The following HUWE1 variants were observed in gnomAD, a reference collection of about 807,000 sequenced individuals.
HUWE1 encodes the protein E3 ubiquitin-protein ligase HUWE1.
In HUWE1, 18 loss-of-function variants were observed where a neutral mutation model predicts 299.4. The ratio of observed to expected loss-of-function variants is 0.06; its 90% CI spans 0.04 to 0.09. HUWE1 has a LOEUF of 0.09. HUWE1 is among the 10% of genes least tolerant of loss of function. The pLI is 1.00. For missense variants in HUWE1, 1,832 were observed against 3,462.3 expected, an observed-to-expected ratio of 0.53 and a Z score of 11.82; for synonymous variants, 1,317 against 1,286.1, an observed-to-expected ratio of 1.02 and a Z score of -0.51.
Position 53,532,739 on chromosome X carries a change from A to T in HUWE1, c.*570T>A, listed in dbSNP as rs1556907378. 1 of 109,051 alleles carries T rather than the reference A, an allele frequency of 9.2e-6. No homozygotes were observed. The highest frequency in any genetic ancestry group is 3.3e-5 in the African/African-American group (1 of 29,879). The allele number at this position is 109,051 out of a possible 1,213,427, so 9.0% of individuals were successfully genotyped here. A position where few individuals can be genotyped will look rare whatever the true frequency, so the allele number is the denominator to read the frequency against. ...TCTCCAGATGCCTAGCATGTGCTTA[A>T]GAGTTTTTTGTTTTTTTTTTTAAGT... is the stretch of plus-strand genomic sequence containing the variant. On this transcript the variant is annotated 3_prime_UTR_variant, in exon 84 of 84. Transcript: ENST00000262854.
rs782801565 is a variant in HUWE1 at position 53,627,927 on chromosome X, A to G, written c.1243-48T>C. ...AAAACAATGAACTATAAAGACACAA[A>G]GTTGTAAAAATTGCATGCTTTTGTA... On this transcript the variant is annotated intron_variant, in intron 15 of 83. Transcript: ENST00000262854. 17 of 1,147,077 alleles carry G rather than the reference A, an allele frequency of 1.5e-5. No individual in the cohort carries two copies. In the South Asian group the frequency reaches 3.1e-4, roughly 21 times the overall value. The allele number at this position is 1,147,077 out of a possible 1,213,427, so 94.5% of individuals were successfully genotyped here.
At chrX:53,554,278 CA>C (rs1556932000) in intron 61 of HUWE1, among the ~76,000 whole-genome samples, 1 of 110,269 alleles carries the variant, frequency 9.1e-6, no homozygotes. Flanking sequence ...AGGCTGGTCT[CA>C]AACTCCTGAG....
At chrX:53,634,353 C>G in intron 7 of HUWE1, 55 bp from the exon 8 acceptor site, 1 of 872,610 alleles carries the variant, frequency 1.1e-6, no homozygotes, top group South Asian at 2.0e-5. Context: ...CTTTGCGCCA[C>G]TGCACTCCAG....
At chrX:53,654,184 C>T (rs1275645606) in intron 3 of HUWE1, 53 bp from the exon 4 acceptor site, 16 of 740,230 alleles carry the variant, frequency 2.2e-5, no homozygotes, top group Non-Finnish European at 3.1e-5. Flanking sequence ...CAATCTTGAG[C>T]TCTACAAGCT....
Position 53,553,820 on chromosome X carries a change from T to TAAATA in HUWE1, c.8494+808_8494+812dup, listed in dbSNP as rs782011528. Among the ~76,000 whole-genome samples the TAAATA allele has an allele frequency of 1.1e-3, 119 of 108,644 alleles. 1 individual carries two copies. Among genetic ancestry groups the TAAATA allele is most frequent in the East Asian group, 3.2e-3 (11 of 3,431 alleles). The allele number at this position is 108,644 out of a possible 115,157, so 94.3% of individuals were successfully genotyped here. A position where few individuals can be genotyped will look rare whatever the true frequency, so the allele number is the denominator to read the frequency against. On this transcript the variant is annotated intron_variant, in intron 61 of 83. Transcript: ENST00000262854. ...GCGAGACTTTTTCTCAAAAAATAAATAAATAAAATAAAATAAAATAAAATA... is the reference window on the plus strand; with the variant it reads ...GCGAGACTTTTTCTCAAAAAATAAATAAATAAAATAAAATAAAATAAAATAAAATA...
At chrX:53,571,597 T>TA (rs782621247) in intron 47 of HUWE1, among the ~76,000 whole-genome samples, 55 of 111,318 alleles carry the variant, frequency 4.9e-4, no homozygotes, top group Admixed American at 1.5e-3. Context: ...GTGAGACTCT[T>TA]AAAAAAAGGA....
chrX:53,649,217 G>T (rs905860049), intron 4 of HUWE1, among the ~76,000 whole-genome samples: 1 of 111,728 alleles, frequency 9.0e-6, no homozygotes, highest in Non-Finnish European at 1.9e-5. Flanking sequence ...CAGAAAAACA[G>T]ACCTAATAGC....
intron 43 of HUWE1, among the ~76,000 whole-genome samples, chrX:53,578,499 G>T (rs1297536507): frequency 1.5e-5 from 1 of 68,474 alleles, no homozygotes; most frequent in Non-Finnish European, 2.9e-5. Context: ...GTCAGCCCCC[G>T]GCCCGGCCAG....
chrX:53,558,591 T>C (rs1189699168), intron 59 of HUWE1, 64 bp downstream of exon 59: 5 of 1,081,255 alleles, frequency 4.6e-6, no homozygotes, highest in East Asian at 3.0e-5. Context: ...GTGCCATGTG[T>C]ATGCCAAAAC....
Position 53,548,888 on chromosome X carries a change from T to C in HUWE1, c.10035+71A>G. The C allele has an allele frequency of 3.3e-6, 3 of 898,297 alleles. No homozygotes were observed. In the South Asian group the frequency reaches 6.3e-5, roughly 19 times the overall value. 74.0% of individuals were successfully genotyped at this position (898,297 alleles called of 1,213,427 possible). A position where few individuals can be genotyped will look rare whatever the true frequency, so the allele number is the denominator to read the frequency against. On this transcript the variant is annotated intron_variant, in intron 67 of 83. Transcript: ENST00000262854. ...CAAAAAGACACGCTAGCCTGCTTAG[T>C]GTTCAACTTTCACCCAGGCTCTTGC...
intron 3 of HUWE1, among the ~76,000 whole-genome samples, chrX:53,658,779 G>C (rs1394988988): frequency 8.9e-6 from 1 of 112,241 alleles, no homozygotes; most frequent in Non-Finnish European, 1.9e-5. Context: ...AGAATAAGTG[G>C]ACAAGCCAGA....
At chrX:53,666,103 T>A (rs2069240473) in intron 3 of HUWE1, among the ~76,000 whole-genome samples, 1 of 112,852 alleles carries the variant, frequency 8.9e-6, no homozygotes, top group Admixed American at 9.4e-5. Flanking sequence ...TTTTCATTTG[T>A]CAGAAGTTAT....
At position 53,629,567 on chromosome X, in the gene HUWE1, G is replaced by T; in HGVS notation, c.912C>A (p.Gly304=). 8.3e-7 allele frequency: 1 copy of T among 1,202,590 alleles called. No individual in the cohort carries two copies. The highest frequency in any genetic ancestry group is 1.1e-6 in the Non-Finnish European group (1 of 887,471). Residue 304 remains glycine (G), a synonymous_variant, in exon 13 of 84, where the codon GGC becomes GGA. Transcript: ENST00000262854. ...GGACATCTACCAACTCCTCTATCAA[G>T]CCATTATACAAGATACTGTTTGCTG... ...QESANSILYN[G]LIEELVDVLQ...
At chrX:53,659,032 C>G (rs1259122818) in intron 3 of HUWE1, among the ~76,000 whole-genome samples, 1 of 112,702 alleles carries the variant, frequency 8.9e-6, no homozygotes, top group Non-Finnish European at 1.9e-5. Context: ...ACGGCCAAAA[C>G]CCAGAACACT....
At chrX:53,659,959 G>A (rs1294086092) in intron 3 of HUWE1, among the ~76,000 whole-genome samples, 1 of 112,515 alleles carries the variant, frequency 8.9e-6, no homozygotes, top group African/African-American at 3.2e-5. Flanking sequence ...TAATGCAGAT[G>A]AGTCACTGAT....
chrX:53,538,316 C>G (rs201371753), intron 77 of HUWE1, 21 bp downstream of exon 77: 3 of 1,089,495 alleles, frequency 2.8e-6, no homozygotes, highest in East Asian at 3.0e-5. Context: ...CCCTCTACCC[C>G]CCAATATCCA....
chrX:53,535,369 G>T lies in HUWE1; in HGVS notation c.12649+15C>A. 1 of 1,035,519 alleles carries T rather than the reference G, an allele frequency of 9.7e-7. No individual in the cohort carries two copies. Among genetic ancestry groups the T allele is most frequent in the Non-Finnish European group, 1.4e-6 (1 of 734,761 alleles). 85.3% of individuals were successfully genotyped at this position (1,035,519 alleles called of 1,213,427 possible). A position where few individuals can be genotyped will look rare whatever the true frequency, so the allele number is the denominator to read the frequency against. On this transcript the variant is annotated intron_variant, in intron 81 of 83. Transcript: ENST00000262854. ...TCATATTGAGCAACTAGAGGTCTAG[G>T]AACATTTCCCCTACCTGTCATTCTC...
chrX:53,629,337 C>A (rs1475624786), intron 13 of HUWE1, among the ~76,000 whole-genome samples, 179 bp downstream of exon 13: 1 of 111,090 alleles, frequency 9.0e-6, no homozygotes, highest in Non-Finnish European at 1.9e-5. Context: ...CTTAAGACTA[C>A]GTATATAATG....
chrX:53,623,328 C>G (rs2066263947), intron 19 of HUWE1, among the ~76,000 whole-genome samples: 1 of 110,977 alleles, frequency 9.0e-6, no homozygotes, highest in Admixed American at 9.6e-5. Flanking sequence ...CTCCCTGCCC[C>G]TGGCCTTGAG....
Sources: allele counts gnomAD v4.1 joint callset (sites outside exome capture counted in the v4.1 genomes callset), GRCh38; gene constraint gnomAD v4.1.1; transcripts MANE v1.5; gene names NCBI Gene and HGNC (gene_info 2026-07-23, HGNC 2026-07-21).